Variants in MED12L observed in about 807,000 individuals in gnomAD.
MED12L encodes mediator of RNA polymerase II transcription subunit 12-like protein.
MED12L carries 60 observed loss-of-function variants against 281.3 expected under a neutral mutation model. The observed-to-expected ratio is 0.21, with a 90% CI of 0.17 to 0.26. MED12L has a LOEUF of 0.26. Among genes scored for constraint, MED12L ranks in the 10% least tolerant of loss-of-function variants. The pLI, the probability that MED12L is intolerant of heterozygous loss-of-function variation, is 1.00. For synonymous variants in MED12L, 974 were observed against 987.2 expected (o/e 0.99, Z 0.25); for missense variants, 2,146 against 2,680.9 (o/e 0.80, Z 4.41).
chr3:151,303,415 T>C (rs1290999364), intron 16 of MED12L, among the ~76,000 whole-genome samples: 1 of 151,838 alleles, frequency 6.6e-6, no homozygotes, highest in Non-Finnish European at 1.5e-5. Flanking sequence ...CTAAGGCCAA[T>C]AGAAAATAGG....
intron 16 of MED12L, chr3:151,328,276 G>T (rs780197468): frequency 1.2e-6 from 2 of 1,613,934 alleles, no homozygotes; most frequent in Non-Finnish European, 1.7e-6. Context: ...AGACAGCCAC[G>T]ACAACAAATA....
At chr3:151,297,842 A>AAAAGG (rs1745312456) in intron 16 of MED12L, among the ~76,000 whole-genome samples, 1 of 152,162 alleles carries the variant, frequency 6.6e-6, no homozygotes, top group Non-Finnish European at 1.5e-5. Context: ...AGAATGTCAA[A>AAAAGG]AAAGGTTGTG....
intron 16 of MED12L, among the ~76,000 whole-genome samples, chr3:151,307,531 CTCTG>C (rs1364098903): frequency 6.0e-4 from 72 of 120,540 alleles, no homozygotes; most frequent in South Asian, 3.5e-3. Flanking sequence ...AGGTAACTTG[CTCTG>C]TGTGTGTGTG....
intron 16 of MED12L, among the ~76,000 whole-genome samples, chr3:151,200,610 G>T (rs1725408947): frequency 6.6e-6 from 1 of 152,156 alleles, no homozygotes; most frequent in Non-Finnish European, 1.5e-5. Flanking sequence ...CATTTGTAAT[G>T]AAACAATGTA....
At chr3:151,153,593 G>A (rs1228922135) in intron 5 of MED12L, among the ~76,000 whole-genome samples, 4 of 102,624 alleles carry the variant, frequency 3.9e-5, no homozygotes, top group Non-Finnish European at 5.3e-5. Flanking sequence ...TTTTGAGACA[G>A]ACTCTTGCTC....
At chr3:151,146,954 A>G (rs549283260) in intron 5 of MED12L, among the ~76,000 whole-genome samples, 2 of 152,264 alleles carry the variant, frequency 1.3e-5, no homozygotes, top group South Asian at 4.1e-4. Flanking sequence ...CATTTGGGCT[A>G]TTTATCCAGG....
At chr3:151,348,746 C>G (rs1487817123) in intron 16 of MED12L, among the ~76,000 whole-genome samples, 1 of 151,984 alleles carries the variant, frequency 6.6e-6, no homozygotes, top group Non-Finnish European at 1.5e-5. Flanking sequence ...AAAGACAGAC[C>G]GACACAAAGA....
At chr3:151,220,245 T>C (rs986859795) in intron 16 of MED12L, among the ~76,000 whole-genome samples, 3 of 151,722 alleles carry the variant, frequency 2.0e-5, no homozygotes, top group African/African-American at 7.3e-5. Context: ...GACTAATGTG[T>C]GGACTTTGCA....
intron 2 of MED12L, among the ~76,000 whole-genome samples, chr3:151,091,389 A>G (rs1170205101): frequency 6.6e-6 from 1 of 152,176 alleles, no homozygotes; most frequent in Non-Finnish European, 1.5e-5. Context: ...TCTAAGATTC[A>G]GTAGGTCTGA....
intron 43 of MED12L, among the ~76,000 whole-genome samples, chr3:151,429,340 G>A (rs1259816847): frequency 6.6e-6 from 1 of 152,202 alleles, no homozygotes; most frequent in Non-Finnish European, 1.5e-5. Context: ...CTCCACACAG[G>A]CAGCCTGGTG....
chr3:151,373,413 A>G (rs551032611), intron 27 of MED12L, among the ~76,000 whole-genome samples: 16 of 152,094 alleles, frequency 1.1e-4, no homozygotes, highest in African/African-American at 3.4e-4. Context: ...GTAGTTACTA[A>G]TTTTCCCCTT....
At chr3:151,377,319 G>A in intron 30 of MED12L, 141 bp downstream of exon 30, 2 of 679,398 alleles carry the variant, frequency 2.9e-6, no homozygotes, top group South Asian at 3.9e-5. Flanking sequence ...TTATTAATAA[G>A]TTAATGAGTA....
At chr3:151,425,659 G>T (rs6440742) in intron 43 of MED12L, 316,830 of 456,356 alleles carry the variant, frequency 0.69, 112,898 homozygotes, top group Middle Eastern at 0.88. Context: ...ATACCTGACA[G>T]TAGTAAGCTG....
In MED12L at chr3:151,144,132, G is replaced by T. The variant is rs906772825; in HGVS notation, c.557-12029G>T. Among the ~76,000 whole-genome samples, 12 of 152,282 alleles carry T rather than the reference G, an allele frequency of 7.9e-5. No individual in the cohort carries two copies. In the East Asian group the frequency reaches 2.3e-3, roughly 29 times the overall value. ...AGGAAGCCCCCGAAACTGTAGCTGT[G>T]GGGGAAGCTGGTGGTGTGACTGATG... On this transcript the variant is annotated intron_variant, in intron 5 of 44. Transcript: ENST00000687756.
At chr3:151,378,194 T>C in intron 31 of MED12L, 21 bp downstream of exon 31, 1 of 1,584,216 alleles carries the variant, frequency 6.3e-7, no homozygotes, top group Non-Finnish European at 8.6e-7. Flanking sequence ...AAGATGGGCG[T>C]CTGTGTGAGA....
At chr3:151,226,612 GT>G (rs143326437) in intron 16 of MED12L, among the ~76,000 whole-genome samples, 1 of 150,436 alleles carries the variant, frequency 6.6e-6, no homozygotes, top group East Asian at 1.9e-4. Context: ...GTCAGCCAGT[GT>G]TTTTTTTTCA....
chr3:151,283,526 C>T (rs1332412684), intron 16 of MED12L, among the ~76,000 whole-genome samples: 3 of 152,218 alleles, frequency 2.0e-5, no homozygotes, highest in Non-Finnish European at 4.4e-5. Flanking sequence ...TTCCCATTTG[C>T]TTGCAAGACT....
chr3:151,102,296 GA>G (rs1721484813), intron 2 of MED12L, among the ~76,000 whole-genome samples: 1 of 152,100 alleles, frequency 6.6e-6, no homozygotes, highest in Admixed American at 6.5e-5. Context: ...CTTGGTGGAG[GA>G]TGAGCAAGCC....
At chr3:151,359,893 T>C (rs1338551741) in intron 20 of MED12L, among the ~76,000 whole-genome samples, 1 of 152,094 alleles carries the variant, frequency 6.6e-6, no homozygotes, top group Non-Finnish European at 1.5e-5. Flanking sequence ...ACAGGAGTTA[T>C]ACAGAATATT....
Sources: allele counts gnomAD v4.1 joint callset (sites outside exome capture counted in the v4.1 genomes callset), GRCh38; gene constraint gnomAD v4.1.1; transcripts MANE v1.5; gene names NCBI Gene and HGNC (gene_info 2026-07-23, HGNC 2026-07-21).